The following SHQ1 variants were observed in gnomAD, a reference collection of about 807,000 sequenced individuals.
The protein encoded by SHQ1 is protein SHQ1 homolog.
Under a neutral mutation model 53.8 loss-of-function variants are expected in SHQ1, and 49 were observed. That is an observed-to-expected ratio of 0.91 (90% CI 0.72 to 1.16). The LOEUF (loss-of-function observed/expected upper bound fraction) is 1.16. SHQ1 is among the 50% of genes most tolerant of loss of function. The probability of loss-of-function intolerance (pLI) is 0.00; values close to 1 mark genes in which losing one functional copy is unlikely to be tolerated. For synonymous variants in SHQ1, 243 were observed against 251.0 expected (o/e 0.97, Z 0.30); for missense variants, 738 against 683.1 (o/e 1.08, Z -0.90).
intron 9 of SHQ1, among the ~76,000 whole-genome samples, chr3:72,800,604 C>T (rs1706758199): frequency 6.6e-6 from 1 of 152,170 alleles, no homozygotes; most frequent in Non-Finnish European, 1.5e-5. Flanking sequence ...CATCTTTCTT[C>T]CTTGGCCTAG....
intron 10 of SHQ1, chr3:72,772,718 G>A: frequency 1.4e-6 from 1 of 734,954 alleles, no homozygotes; most frequent in Non-Finnish European, 2.5e-6. Context: ...GATGTAGATG[G>A]AATTCCTATT....
intron 5 of SHQ1, among the ~76,000 whole-genome samples, chr3:72,828,673 C>A (rs534150256): frequency 1.1e-4 from 16 of 151,818 alleles, no homozygotes; most frequent in Non-Finnish European, 2.2e-4. Context: ...CCAGCCTGGG[C>A]GACAGAGCAA....
chr3:72,763,060 CACAGAGAG>C lies in SHQ1; in HGVS notation c.1182-12232_1182-12225del, dbSNP rs773768900. Among the ~76,000 whole-genome samples the C allele has an allele frequency of 4.6e-4, 36 of 77,454 alleles. 1 individual carries two copies. Among genetic ancestry groups the C allele is most frequent in the Admixed American group, 3.4e-4 (3 of 8,874 alleles). 50.8% of individuals were successfully genotyped at this position (77,454 alleles called of 152,430 possible). ...ACACACACACACACACACACACACA[CACAGAGAG>C]AGAGAGAGAGAGAGAGAGAAATGCT... On this transcript the variant is annotated intron_variant, in intron 10 of 10. Transcript: ENST00000325599.
chr3:72,753,071 T>TA, intron 10 of SHQ1: 1 of 985,386 alleles, frequency 1.0e-6, no homozygotes, highest in Non-Finnish European at 1.2e-6. Context: ...TTTTTGTTTC[T>TA]AAAAGAACCA....
intron 10 of SHQ1, among the ~76,000 whole-genome samples, chr3:72,781,585 G>C (rs1297684310): frequency 6.6e-6 from 1 of 152,032 alleles, no homozygotes; most frequent in African/African-American, 2.4e-5. Flanking sequence ...AGAAAGAAGA[G>C]ACCATATCAT....
At chr3:72,795,914 C>T (rs999242360) in intron 9 of SHQ1, among the ~76,000 whole-genome samples, 3 of 151,896 alleles carry the variant, frequency 2.0e-5, no homozygotes, top group Non-Finnish European at 2.9e-5. Flanking sequence ...ACCAGCTTGG[C>T]CAGCATGGTG....
chr3:72,750,390 C>T lies in SHQ1; in HGVS notation c.1628G>A (p.Gly543Glu), dbSNP rs759957338. Residue 543 changes from glycine to glutamate, a missense_variant, in exon 11 of 11, where the codon GGG (glycine) becomes GAG (glutamate). Transcript: ENST00000325599. ...CTGAACTGTAGTCTTCAGTTGTTCC[C>T]CAAGCTCCTCTATCAGAGGCCCAGA... ...GVSGPLIEEL[G>E]EQLKTTVQVS... 10 of 1,613,972 alleles carry T rather than the reference C, an allele frequency of 6.2e-6. No homozygotes were observed. In the Admixed American group the frequency reaches 1.2e-4, roughly 19 times the overall value.
At position 72,775,402 on chromosome 3, in the gene SHQ1, T is replaced by C. The variant is rs775962359; in HGVS notation, c.1181+17514A>G. On this transcript the variant is annotated intron_variant, in intron 10 of 10. Transcript: ENST00000325599. ...AGAACCGGAATAGTCCTATAACAATTAGAAAATCTGAATAAATAGTTAAGA... is the reference window on the plus strand; with the variant it reads ...AGAACCGGAATAGTCCTATAACAATCAGAAAATCTGAATAAATAGTTAAGA... Among the ~76,000 whole-genome samples the C allele has an allele frequency of 3.4e-5, 5 of 148,490 alleles. No individual in the cohort carries two copies. In the East Asian group the frequency reaches 9.7e-4, roughly 29 times the overall value.
At chr3:72,846,182 A>G in intron 1 of SHQ1, 1 of 1,531,484 alleles carries the variant, frequency 6.5e-7, no homozygotes, top group Non-Finnish European at 8.8e-7. Flanking sequence ...CTAGAGTTAA[A>G]TTCTTACTGC....
chr3:72,833,492 A>G (rs1707894207), intron 4 of SHQ1, among the ~76,000 whole-genome samples: 2 of 34,754 alleles, frequency 5.8e-5, no homozygotes, highest in Non-Finnish European at 1.6e-4. Flanking sequence ...ATAGATAGAT[A>G]GATAGATAGA....
At chr3:72,802,116 G>A (rs912301825) in intron 9 of SHQ1, among the ~76,000 whole-genome samples, 8 of 152,192 alleles carry the variant, frequency 5.3e-5, no homozygotes, top group Admixed American at 2.6e-4. Flanking sequence ...CAACAAACAT[G>A]TAAGTACTTT....
chr3:72,837,319 T>C (rs912422482), intron 4 of SHQ1, among the ~76,000 whole-genome samples: 16 of 152,282 alleles, frequency 1.1e-4, no homozygotes, highest in East Asian at 5.8e-4. Context: ...ATTATCAGTA[T>C]AAAATATAGA....
intron 5 of SHQ1, among the ~76,000 whole-genome samples, chr3:72,832,094 T>C (rs1002259678): frequency 2.6e-5 from 4 of 152,224 alleles, no homozygotes; most frequent in East Asian, 1.9e-4. Context: ...GAATTCAGTA[T>C]TATATTTTTA....
chr3:72,786,087 C>A (rs909517830), intron 10 of SHQ1, among the ~76,000 whole-genome samples: 3 of 152,208 alleles, frequency 2.0e-5, no homozygotes, highest in Admixed American at 2.0e-4. Flanking sequence ...TGGCTCCTCC[C>A]CTTCTCTCTC....
the SHQ1 span, among the ~76,000 whole-genome samples, chr3:72,741,659 A>C: frequency 2.6e-5 from 4 of 152,006 alleles, no homozygotes; most frequent in Admixed American, 2.6e-4. Context: ...AGCCTAGCAC[A>C]GCGCTTGGCT....
chr3:72,816,734 T>C (rs540422350), intron 7 of SHQ1, among the ~76,000 whole-genome samples: 2 of 152,208 alleles, frequency 1.3e-5, no homozygotes, highest in Non-Finnish European at 2.9e-5. Flanking sequence ...AAATCTGATT[T>C]ACATATAATT....
the SHQ1 span, among the ~76,000 whole-genome samples, chr3:72,728,971 T>C: frequency 4.8e-4 from 73 of 152,342 alleles, no homozygotes; most frequent in Non-Finnish European, 7.2e-4. Context: ...AAAATGTTAA[T>C]GTGCAAGGAA....
At chr3:72,844,594 A>G (rs1708275283) in intron 1 of SHQ1, 171 bp from the exon 2 acceptor site, 1 of 670,598 alleles carries the variant, frequency 1.5e-6, no homozygotes, top group Non-Finnish European at 2.7e-6. Context: ...CCCAACCAAG[A>G]AAGTAGAAAT....
the SHQ1 span, among the ~76,000 whole-genome samples, chr3:72,727,238 C>T: frequency 1.3e-5 from 2 of 152,238 alleles, no homozygotes; most frequent in Admixed American, 6.5e-5. Flanking sequence ...TGAGGCTCCC[C>T]GTAGTTTCCA....
Sources: allele counts gnomAD v4.1 joint callset (sites outside exome capture counted in the v4.1 genomes callset), GRCh38; gene constraint gnomAD v4.1.1; transcripts MANE v1.5; gene names NCBI Gene and HGNC (gene_info 2026-07-23, HGNC 2026-07-21).